Variants in ADAMTS14 observed in about 807,000 individuals in gnomAD.
ADAMTS14 encodes the protein ADAM metallopeptidase with thrombospondin type 1 motif 14.
Under a neutral mutation model 128.6 loss-of-function variants are expected in ADAMTS14, and 100 were observed. The observed-to-expected ratio is 0.78, with a 90% CI of 0.66 to 0.92. The LOEUF (loss-of-function observed/expected upper bound fraction) is 0.92. Among genes scored for constraint, ADAMTS14 ranks in the 40% least tolerant of loss-of-function variants. ADAMTS14 has a pLI of 0.00. For missense variants in ADAMTS14, 1,562 were observed against 1,658.6 expected, an observed-to-expected ratio of 0.94 and a Z score of 1.01; for synonymous variants, 665 against 653.8, an observed-to-expected ratio of 1.02 and a Z score of -0.26.
rs765747013 is a variant in ADAMTS14, at chr10:70,738,924, T to C, written c.1682T>C (p.Phe561Ser). 10 of 1,613,862 alleles carry C rather than the reference T, an allele frequency of 6.2e-6. No homozygotes were observed. Among genetic ancestry groups the C allele is most frequent in the East Asian group, 2.2e-5 (1 of 44,880 alleles). The change falls in exon 11 of 22, where the codon TTT becomes TCT. Residue 561 changes from phenylalanine to serine, a missense_variant. Physicochemically the swap from Phe to Ser is radical, Grantham distance 155 (BLOSUM62 -2). Transcript: ENST00000373207. Reference protein sequence around the residue: ...QDGGWSSWTKFGSCSRSCGGG... With the variant: ...QDGGWSSWTKSGSCSRSCGGG... The stretch of plus-strand genomic sequence containing the variant: ...GGAGGCTGGAGCTCCTGGACCAAGT[T>C]TGGGTCATGTTCGCGGTCATGTGGG...
intron 15 of ADAMTS14, among the ~76,000 whole-genome samples, chr10:70,746,062 AGTG>A (rs1313815393): frequency 3.3e-5 from 5 of 152,230 alleles, no homozygotes; most frequent in African/African-American, 4.8e-5. Context: ...TGATGGTAGA[AGTG>A]GTGAAGTTAC....
Position 70,739,553 on chromosome 10 carries a change from T to TTCTCCA in ADAMTS14, c.1748+576_1748+581dup, listed in dbSNP as rs1360040327. ...TGGTTTTGGGATATCTGAGCCCTAG[T>TTCTCCA]TCTCCATCTCCATCTCCAAGCAGAG... On this transcript the variant is annotated intron_variant, in intron 11 of 21. Transcript: ENST00000373207. Among the ~76,000 whole-genome samples, 4 of 151,976 alleles carry TTCTCCA rather than the reference T, an allele frequency of 2.6e-5. No individual in the cohort carries two copies. The East Asian group carries it at 7.7e-4, about 29-fold the overall frequency.
chr10:70,730,090 C>T lies in ADAMTS14; in HGVS notation c.955-12C>T, dbSNP rs114170625. 4,316 of 1,583,488 alleles carry T rather than the reference C, an allele frequency of 2.7e-3. 105 individuals carry two copies. The African/African-American group carries it at 0.051, about 19-fold the overall frequency. The stretch of plus-strand genomic sequence containing the variant: ...CTCCACGTGGCTGTTGGTGCTCTCC[C>T]GGCCCCTGCAGTCCCTGAGCCTGAT... On this transcript the variant is annotated splice_polypyrimidine_tract_variant and intron_variant, in intron 5 of 21. Coordinates refer to ENST00000373207, the MANE Select transcript of ADAMTS14 (RefSeq NM_080722.4).
At position 70,741,057 on chromosome 10, in the gene ADAMTS14, C is replaced by T. The variant is rs369877853; in HGVS notation, c.1819C>T (p.Pro607Ser). ...CCAGGTCTGCAACAGCGAGGAGTGC[C>T]CTGGGACCTACGAGGACTTCCGGGC... ...EYQVCNSEEC[P>S]GTYEDFRAQQ... Residue 607 changes from proline to serine, a missense_variant, in exon 12 of 22, where the codon CCT becomes TCT. Physicochemically the swap from Pro to Ser is moderately conservative, Grantham distance 74 (BLOSUM62 -1). Coordinates refer to ENST00000373207, the MANE Select transcript of ADAMTS14 (RefSeq NM_080722.4). 19 of 1,614,012 alleles carry T rather than the reference C, an allele frequency of 1.2e-5. No individual in the cohort carries two copies. In the African/African-American group the frequency reaches 1.6e-4, roughly 14 times the overall value.
At chr10:70,678,844 C>A (rs1839720124) in intron 2 of ADAMTS14, among the ~76,000 whole-genome samples, 1 of 152,158 alleles carries the variant, frequency 6.6e-6, no homozygotes, top group African/African-American at 2.4e-5. Context: ...ATGGGGCTGA[C>A]CTTGTTGGAG....
At chr10:70,719,547 A>G (rs1841180478) in intron 4 of ADAMTS14, among the ~76,000 whole-genome samples, 1 of 151,972 alleles carries the variant, frequency 6.6e-6, no homozygotes, top group African/African-American at 2.4e-5. Context: ...GACTATAGGC[A>G]TGGCTGACTG....
At chr10:70,757,880 T>C in intron 19 of ADAMTS14, 82 bp from the exon 20 acceptor site, 1 of 1,515,204 alleles carries the variant, frequency 6.6e-7, no homozygotes, top group South Asian at 1.3e-5. Context: ...CTGGCTGGGC[T>C]CTGAGCTCAC....
chr10:70,759,129 T>TTTTTTTTTTTGAG (rs1485675752), intron 21 of ADAMTS14, among the ~76,000 whole-genome samples: 2 of 112,610 alleles, frequency 1.8e-5, no homozygotes, highest in African/African-American at 3.3e-5. Flanking sequence ...TCCAATCTTC[T>TTTTTTTTTTTGAG]ACTTCTCTGC....
At chr10:70,736,848 A>G in intron 10 of ADAMTS14, 55 bp downstream of exon 10, 1 of 1,498,810 alleles carries the variant, frequency 6.7e-7, no homozygotes, top group Non-Finnish European at 9.3e-7. Context: ...GGCATCCATC[A>G]CTGGCATGGG....
At chr10:70,728,334 T>C (rs1205036864) in intron 4 of ADAMTS14, among the ~76,000 whole-genome samples, 2 of 152,362 alleles carry the variant, frequency 1.3e-5, no homozygotes, top group East Asian at 3.9e-4. Flanking sequence ...ACTGTAGTTA[T>C]TATTAAGTCT....
At chr10:70,735,639 C>T (rs1841801943) in intron 9 of ADAMTS14, among the ~76,000 whole-genome samples, 1 of 152,232 alleles carries the variant, frequency 6.6e-6, no homozygotes, top group Non-Finnish European at 1.5e-5. Flanking sequence ...AGGTCCCACA[C>T]CCTCCGGGGA....
chr10:70,748,685 A>C (rs1245554099), intron 15 of ADAMTS14, among the ~76,000 whole-genome samples: 1 of 151,836 alleles, frequency 6.6e-6, no homozygotes, highest in African/African-American at 2.4e-5. Context: ...GGATGTATTT[A>C]AGGATTGAAC....
At chr10:70,694,650 A>C (rs1179290999) in intron 2 of ADAMTS14, among the ~76,000 whole-genome samples, 2 of 152,210 alleles carry the variant, frequency 1.3e-5, no homozygotes, top group African/African-American at 2.4e-5. Flanking sequence ...GACCTTTTGC[A>C]TCTGGCTTCT....
intron 2 of ADAMTS14, among the ~76,000 whole-genome samples, chr10:70,685,881 G>T (rs1418599896): frequency 6.6e-6 from 1 of 152,130 alleles, no homozygotes; most frequent in African/African-American, 2.4e-5. Context: ...ACTATGAGGG[G>T]GAGGGCTGCT....
chr10:70,713,617 C>T (rs907680949), intron 4 of ADAMTS14, among the ~76,000 whole-genome samples: 2 of 152,230 alleles, frequency 1.3e-5, no homozygotes, highest in African/African-American at 2.4e-5. Context: ...GACCCAAATG[C>T]CAAAGGTCTC....
intron 15 of ADAMTS14, among the ~76,000 whole-genome samples, chr10:70,749,459 T>C (rs562386406): frequency 7.9e-5 from 12 of 152,126 alleles, no homozygotes; most frequent in Non-Finnish European, 1.5e-4. Flanking sequence ...GAGGGCAGAA[T>C]CCCTGAGGAC....
intron 2 of ADAMTS14, among the ~76,000 whole-genome samples, chr10:70,681,779 C>A (rs1032096963): frequency 6.6e-6 from 1 of 152,248 alleles, no homozygotes; most frequent in Non-Finnish European, 1.5e-5. Context: ...CTCCCAGACA[C>A]CCAGCTGGCT....
chr10:70,693,242 T>G (rs1428399434), intron 2 of ADAMTS14, among the ~76,000 whole-genome samples: 1 of 152,146 alleles, frequency 6.6e-6, no homozygotes, highest in East Asian at 1.9e-4. Context: ...CCTCTAACAC[T>G]GGACATCACA....
At chr10:70,697,963 C>G (rs1424009647) in intron 2 of ADAMTS14, among the ~76,000 whole-genome samples, 1 of 152,200 alleles carries the variant, frequency 6.6e-6, no homozygotes, top group African/African-American at 2.4e-5. Context: ...GAAGGCACCT[C>G]AGAAGCAGCC....
Sources: gnomAD v4.1 joint callset for allele counts (sites outside exome capture counted in the v4.1 genomes callset) on GRCh38, gnomAD v4.1.1 for gene constraint, MANE v1.5 for transcripts, NCBI Gene and HGNC (gene_info 2026-07-23, HGNC 2026-07-21) for gene names.